Variants in SCGB2B2 observed in about 807,000 individuals in gnomAD.
SCGB2B2 encodes the protein secretoglobin family 2B member 2, also known as secretoglobin-like protein.
SCGB2B2 carries 11 observed loss-of-function variants against 7.6 expected under a neutral mutation model. The ratio of observed to expected loss-of-function variants is 1.45; its 90% CI spans 0.91 to 2.40. SCGB2B2 has a LOEUF of 2.40. Ranked by LOEUF, SCGB2B2 falls within the 30% of genes most tolerant of loss-of-function variation. The pLI is 0.00. For missense variants in SCGB2B2, 104 were observed against 115.4 expected (o/e 0.90, Z 0.45); for synonymous variants, 50 against 48.6 (o/e 1.03, Z -0.12).
intron 1 of SCGB2B2, among the ~76,000 whole-genome samples, chr19:34,665,245 G>T (rs997177904): frequency 6.6e-6 from 1 of 152,222 alleles, no homozygotes; most frequent in African/African-American, 2.4e-5. Context: ...GTCACAAGGC[G>T]TGCAGCCTGG....
At chr19:34,662,622 T>A (rs2067491596) in intron 1 of SCGB2B2, among the ~76,000 whole-genome samples, 1 of 152,036 alleles carries the variant, frequency 6.6e-6, no homozygotes, top group South Asian at 2.1e-4. Context: ...ACAAAGCTGA[T>A]CCACAGTGTT....
At chr19:34,605,281 A>G (rs762385709) in intron 1 of SCGB2B2, among the ~76,000 whole-genome samples, 34 of 152,222 alleles carry the variant, frequency 2.2e-4, no homozygotes, top group Admixed American at 7.9e-4. Context: ...GTGGATTTCC[A>G]TGAGTTTTGA....
At chr19:34,616,710 T>A (rs946133565) in intron 1 of SCGB2B2, among the ~76,000 whole-genome samples, 4 of 146,092 alleles carry the variant, frequency 2.7e-5, no homozygotes, top group African/African-American at 1.0e-4. Context: ...TTTGTCAATT[T>A]TGGCTTTTGT....
intron 1 of SCGB2B2, among the ~76,000 whole-genome samples, chr19:34,670,445 G>A (rs2067772718): frequency 6.6e-6 from 1 of 152,174 alleles, no homozygotes; most frequent in African/African-American, 2.4e-5. Context: ...CCCGTTTGGT[G>A]TGCAGTGGTA....
At chr19:34,647,200 G>T (rs1042694551) in intron 1 of SCGB2B2, among the ~76,000 whole-genome samples, 1 of 152,208 alleles carries the variant, frequency 6.6e-6, no homozygotes. Flanking sequence ...CATGACAGGG[G>T]ACACTGAGGT....
intron 1 of SCGB2B2, among the ~76,000 whole-genome samples, chr19:34,630,875 T>C (rs1360520393): frequency 1.5e-4 from 23 of 151,556 alleles, no homozygotes; most frequent in Non-Finnish European, 3.1e-4. Flanking sequence ...AAATGTCCAA[T>C]AATGATAGAC....
chr19:34,669,178 C>T (rs150505875), intron 1 of SCGB2B2, among the ~76,000 whole-genome samples: 3 of 152,164 alleles, frequency 2.0e-5, no homozygotes, highest in South Asian at 4.2e-4. Context: ...TGCGAGGGTC[C>T]GCGACTTCAT....
intron 1 of SCGB2B2, among the ~76,000 whole-genome samples, chr19:34,673,913 C>A (rs1278804126): frequency 6.6e-6 from 1 of 152,186 alleles, no homozygotes; most frequent in African/African-American, 2.4e-5. Flanking sequence ...TCTTATACTC[C>A]TGCTTCCCTA....
At chr19:34,623,559 G>T (rs2066293422) in intron 1 of SCGB2B2, among the ~76,000 whole-genome samples, 1 of 152,178 alleles carries the variant, frequency 6.6e-6, no homozygotes, top group African/African-American at 2.4e-5. Flanking sequence ...AGCAGGAGTA[G>T]TCATGTTTAC....
rs964509575 is a variant in SCGB2B2, at chr19:34,593,248, A to G, written c.*307T>C. On this transcript the variant is annotated 3_prime_UTR_variant, in exon 4 of 4. Transcript: ENST00000601241. Reference sequence around the variant, plus strand: ...GGCAGGAGAATCGCTTGAACCCAGAAGGTGGAGGCTGCAGTGAGCCAAGAT... The same window carrying G: ...GGCAGGAGAATCGCTTGAACCCAGAGGGTGGAGGCTGCAGTGAGCCAAGAT... 1 of 289,162 alleles carries G rather than the reference A, an allele frequency of 3.5e-6. No homozygotes were observed. The highest frequency in any genetic ancestry group is 6.5e-6 in the Non-Finnish European group (1 of 154,308). The allele number at this position is 289,162 out of a possible 1,614,324, so 17.9% of individuals were successfully genotyped here. A position where few individuals can be genotyped will look rare whatever the true frequency, so the allele number is the denominator to read the frequency against.
At chr19:34,646,795 T>A (rs540015600) in intron 1 of SCGB2B2, 1 of 152,730 alleles carries the variant, frequency 6.5e-6, no homozygotes, top group East Asian at 1.9e-4. Flanking sequence ...AGTAAACACC[T>A]GCAGCTCAGC....
chr19:34,611,581 C>T (rs563759280), intron 1 of SCGB2B2, among the ~76,000 whole-genome samples: 7 of 151,852 alleles, frequency 4.6e-5, no homozygotes, highest in African/African-American at 1.7e-4. Flanking sequence ...TATATAGCTT[C>T]TGCTGCATCC....
Position 34,600,246 on chromosome 19 carries a change from T to C in SCGB2B2, c.-2031-3652A>G, listed in dbSNP as rs114253686. On this transcript the variant is annotated intron_variant, in intron 1 of 3. Coordinates refer to ENST00000601241, the MANE Select transcript of SCGB2B2 (RefSeq NM_001025591.4). The stretch of plus-strand genomic sequence containing the variant: ...GTAATGTGTCTGTTCTCCCGTATCT[T>C]ACTTTTTTGTTCCCCATTGTTGTTG... 4.4e-3 allele frequency among the ~76,000 whole-genome samples: 673 copies of C among 152,342 alleles called. 7 individuals carry two copies. The highest frequency in any genetic ancestry group is 0.016 in the African/African-American group (647 of 41,572).
chr19:34,630,841 A>G (rs1467965988), intron 1 of SCGB2B2, among the ~76,000 whole-genome samples: 2 of 152,014 alleles, frequency 1.3e-5, no homozygotes, highest in Non-Finnish European at 1.5e-5. Flanking sequence ...ACTATTCACA[A>G]TAGCAAAGAC....
intron 1 of SCGB2B2, among the ~76,000 whole-genome samples, chr19:34,597,115 A>G (rs796445190): frequency 1.5e-4 from 23 of 151,682 alleles, no homozygotes; most frequent in African/African-American, 5.3e-4. Flanking sequence ...CTGTCACTCA[A>G]TCACCTGCCT....
chr19:34,638,831 G>T (rs964341642), intron 1 of SCGB2B2, among the ~76,000 whole-genome samples: 3 of 152,164 alleles, frequency 2.0e-5, no homozygotes, highest in Admixed American at 6.5e-5. Context: ...TTCTGGAAAT[G>T]ATATCAGAGG....
In SCGB2B2 at chr19:34,662,504, A is replaced by AACACACAC. The variant is rs10634972; in HGVS notation, c.-2032+13118_-2032+13125dup. Among the ~76,000 whole-genome samples the AACACACAC allele has an allele frequency of 2.2e-4, 33 of 149,456 alleles. 1 individual carries two copies. The highest frequency in any genetic ancestry group is 7.6e-4 in the African/African-American group (31 of 40,742). On this transcript the variant is annotated intron_variant, in intron 1 of 3. Coordinates refer to ENST00000601241, the MANE Select transcript of SCGB2B2 (RefSeq NM_001025591.4). Reference sequence around the variant, plus strand: ...AAAGAGATAAAAATGTTTTTTAAACAACACACACACACACACACACACACA... The same window carrying AACACACAC: ...AAAGAGATAAAAATGTTTTTTAAACAACACACACACACACACACACACACACACACACA...
rs558500896 is a variant in SCGB2B2 at position 34,648,629 on chromosome 19, C to G, written c.-2032+27001G>C. Among the ~76,000 whole-genome samples, 289 of 151,330 alleles carry G rather than the reference C, an allele frequency of 1.9e-3. 3 individuals are homozygous for G. Among genetic ancestry groups the G allele is most frequent in the African/African-American group, 6.8e-3 (281 of 41,346 alleles). ...TTAAATTAATTTTGTTCATATTTAT[C>G]TAGATGGCAAATCCACAGAATATAT... On this transcript the variant is annotated intron_variant, in intron 1 of 3. Coordinates refer to ENST00000601241, the MANE Select transcript of SCGB2B2 (RefSeq NM_001025591.4).
intron 1 of SCGB2B2, among the ~76,000 whole-genome samples, chr19:34,597,581 T>C (rs181759738): frequency 5.8e-4 from 89 of 152,342 alleles, no homozygotes; most frequent in African/African-American, 2.1e-3. Flanking sequence ...GCCTCCCTTG[T>C]CATCACTGTG....
Sources: gnomAD v4.1 joint callset for allele counts (sites outside exome capture counted in the v4.1 genomes callset) on GRCh38, gnomAD v4.1.1 for gene constraint, MANE v1.5 for transcripts, NCBI Gene and HGNC (gene_info 2026-07-23, HGNC 2026-07-21) for gene names.